Variants in ABCA1 observed in about 807,000 individuals in gnomAD.
ABCA1 encodes the protein ATP binding cassette subfamily A member 1.
ABCA1 carries 133 observed loss-of-function variants against 262.5 expected under a neutral mutation model. The ratio of observed to expected loss-of-function variants is 0.51; its 90% CI spans 0.44 to 0.59. ABCA1 has a LOEUF of 0.59. Ranked by LOEUF, ABCA1 falls within the 20% of genes least tolerant of loss-of-function variation. ABCA1 has a pLI of 0.00. For synonymous variants in ABCA1, 1,022 were observed against 1,043.5 expected (o/e 0.98, Z 0.40); for missense variants, 2,452 against 2,777.5 (o/e 0.88, Z 2.63).
intron 15 of ABCA1, among the ~76,000 whole-genome samples, chr9:104,828,628 C>G (rs927702188): frequency 6.6e-6 from 1 of 152,192 alleles, no homozygotes; most frequent in African/African-American, 2.4e-5. Context: ...CCATGAACCA[C>G]TACCAATGAG....
At chr9:104,813,226 C>T (rs1013673183) in intron 27 of ABCA1, among the ~76,000 whole-genome samples, 8 of 152,178 alleles carry the variant, frequency 5.3e-5, no homozygotes, top group Non-Finnish European at 2.9e-5. Flanking sequence ...GAGCCATACA[C>T]TCTTTGAGCA....
chr9:104,792,133 T>C (rs1829479772), intron 42 of ABCA1, 135 bp from the exon 43 acceptor site: 3 of 814,062 alleles, frequency 3.7e-6, no homozygotes, highest in Non-Finnish European at 4.1e-6. Context: ...ATAGGCATAT[T>C]TGATGTGCCA....
At chr9:104,876,410 C>G (rs1259267066) in intron 5 of ABCA1, among the ~76,000 whole-genome samples, 1 of 152,144 alleles carries the variant, frequency 6.6e-6, no homozygotes, top group Non-Finnish European at 1.5e-5. Context: ...CCAAGTAGGA[C>G]GTCCCAACCA....
At chr9:104,895,407 A>G (rs1377208480) in intron 2 of ABCA1, among the ~76,000 whole-genome samples, 1 of 152,142 alleles carries the variant, frequency 6.6e-6, no homozygotes, top group East Asian at 1.9e-4. Context: ...TACGAAGTTC[A>G]GCAGCATCCC....
chr9:104,820,954 G>A (rs1341178708), intron 20 of ABCA1, among the ~76,000 whole-genome samples: 1 of 152,186 alleles, frequency 6.6e-6, no homozygotes, highest in Non-Finnish European at 1.5e-5. Context: ...TTCAAAGAAA[G>A]TAAAATGTGG....
At chr9:104,812,769 C>T (rs761818807) in intron 27 of ABCA1, 47 bp from the exon 28 acceptor site, 35 of 1,612,174 alleles carry the variant, frequency 2.2e-5, no homozygotes, top group South Asian at 1.4e-4. Context: ...TAGGTGTTTT[C>T]GGCATTGCCA....
Position 104,883,169 on chromosome 9 carries a change from G to A in ABCA1, c.303-12C>T, listed in dbSNP as rs750148960. On this transcript the variant is annotated splice_polypyrimidine_tract_variant and intron_variant, in intron 4 of 49. Coordinates refer to ENST00000374736, the MANE Select transcript of ABCA1 (RefSeq NM_005502.4). ...ACAGGCGAGCCACACTGTAAAGGGT[G>A]CAAGAAAAGGCGAAAGGCTTTAGCT... 1 of 1,607,386 alleles carries A rather than the reference G, an allele frequency of 6.2e-7. No individual in the cohort carries two copies. Among genetic ancestry groups the A allele is most frequent in the South Asian group, 1.1e-5 (1 of 90,938 alleles).
intron 14 of ABCA1, among the ~76,000 whole-genome samples, chr9:104,830,113 C>G (rs1440021806): frequency 6.6e-6 from 1 of 152,218 alleles, no homozygotes; most frequent in Non-Finnish European, 1.5e-5. Flanking sequence ...CATCCAAAGG[C>G]ATAGTTCCCA....
Position 104,787,998 on chromosome 9 carries a change from A to C in ABCA1, c.6126T>G (p.Ala2042=). 6.2e-7 allele frequency: 1 copy of C among 1,614,224 alleles called. No homozygotes were observed. The highest frequency in any genetic ancestry group is 8.5e-7 in the Non-Finnish European group (1 of 1,180,038). The change falls in exon 46 of 50, where the codon GCT becomes GCG. Residue 2042 remains alanine (A), a synonymous_variant. Coordinates refer to ENST00000374736, the MANE Select transcript of ABCA1 (RefSeq NM_005502.4). ...GTTTGTTGCCTCCACTATAGTTACC[A>C]GCATATTTTTCTCCATACTTCACGA... The part of the protein sequence containing the change: ...LGLVKYGEKY[A]GNYSGGNKRK...
chr9:104,887,722 C>CTTTTTTTT (rs56828334), intron 3 of ABCA1, among the ~76,000 whole-genome samples: 2 of 98,850 alleles, frequency 2.0e-5, no homozygotes, highest in Non-Finnish European at 3.9e-5. Flanking sequence ...TCAGTTTATG[C>CTTTTTTTT]TTTTTTTTTT....
chr9:104,805,536 C>G (rs1406981079), intron 31 of ABCA1, among the ~76,000 whole-genome samples: 1 of 152,136 alleles, frequency 6.6e-6, no homozygotes, highest in Non-Finnish European at 1.5e-5. Context: ...AAAAATGGCT[C>G]AGGACTCCTT....
At chr9:104,804,937 T>G (rs1274732017) in intron 31 of ABCA1, among the ~76,000 whole-genome samples, 1 of 152,216 alleles carries the variant, frequency 6.6e-6, no homozygotes, top group Non-Finnish European at 1.5e-5. Context: ...CCCAAGAATT[T>G]ATTCTGAACA....
rs960163617 is a variant in ABCA1, at chr9:104,817,671, G to A, written c.3463-267C>T. On this transcript the variant is annotated intron_variant, in intron 23 of 49. Coordinates refer to ENST00000374736, the MANE Select transcript of ABCA1 (RefSeq NM_005502.4). This position sits in a 1 kb window ranked among gnomAD's most constrained non-coding sequence, Gnocchi z 4.7. The stretch of plus-strand genomic sequence containing the variant: ...GTGGCCTGCCAATGAATGCTGCAAT[G>A]AGGCCTTTGCCAACCATCTCAGGCA... Among the ~76,000 whole-genome samples, 24 of 152,226 alleles carry A rather than the reference G, an allele frequency of 1.6e-4. No individual in the cohort carries two copies. Among genetic ancestry groups the A allele is most frequent in the African/African-American group, 7.2e-5 (3 of 41,464 alleles).
At position 104,785,630 on chromosome 9, in the gene ABCA1, A is replaced by T; in HGVS notation, c.6411T>A (p.Asp2137Glu). 1 of 1,614,044 alleles carries T rather than the reference A, an allele frequency of 6.2e-7. No individual in the cohort carries two copies. Among genetic ancestry groups the T allele is most frequent in the Non-Finnish European group, 8.5e-7 (1 of 1,179,974 alleles). ...SVQHLKNRFG[D>E]GYTIVVRIAG... is the part of the protein sequence containing the mutation. ...CTATTCGTACAACTATTGTATAACC[A>T]TCTCCAAACCTGAAAGCAGGAAAAA... The change falls in exon 49 of 50, where the codon GAT (aspartate) becomes GAA (glutamate). Residue 2137 changes from aspartate (D) to glutamate (E), a missense_variant. Asp to Glu is a conservative substitution (Grantham distance 45). Around this residue, in one of 4 missense-constraint regions of ABCA1, gnomAD observed 752 missense variants for 944.5 expected, o/e 0.80. Coordinates refer to ENST00000374736, the MANE Select transcript of ABCA1 (RefSeq NM_005502.4).
At chr9:104,922,208 C>A (rs893894281) in intron 1 of ABCA1, among the ~76,000 whole-genome samples, 1 of 152,174 alleles carries the variant, frequency 6.6e-6, no homozygotes, top group Non-Finnish European at 1.5e-5. Flanking sequence ...GAAGGCCCCA[C>A]CGGAAATCAA....
intron 5 of ABCA1, among the ~76,000 whole-genome samples, chr9:104,871,297 A>G (rs1055040888): frequency 2.0e-5 from 3 of 152,202 alleles, no homozygotes; most frequent in Non-Finnish European, 2.9e-5. Context: ...GTAAATTTCT[A>G]TTGTGTATAA....
At chr9:104,813,173 A>G (rs1023318887) in intron 27 of ABCA1, among the ~76,000 whole-genome samples, 2 of 152,206 alleles carry the variant, frequency 1.3e-5, no homozygotes, top group African/African-American at 4.8e-5. Flanking sequence ...AAATGATCTA[A>G]GTACTGATAC....
intron 32 of ABCA1, among the ~76,000 whole-genome samples, 186 bp downstream of exon 32, chr9:104,804,439 CT>C (rs1830596302): frequency 6.6e-6 from 1 of 152,220 alleles, no homozygotes; most frequent in African/African-American, 2.4e-5. Flanking sequence ...AGCCTTGAAG[CT>C]GACAACTGAA....
At chr9:104,922,989 A>C (rs944817043) in intron 1 of ABCA1, among the ~76,000 whole-genome samples, 6 of 152,180 alleles carry the variant, frequency 3.9e-5, no homozygotes, top group East Asian at 3.8e-4. Context: ...AGTGCTGGGA[A>C]TACAACAATG....
Sources: gnomAD v4.1 joint callset for allele counts (sites outside exome capture counted in the v4.1 genomes callset) on GRCh38, gnomAD v4.1.1 for gene constraint, gnomAD v4.1.1 regional missense constraint, Gnocchi (gnomAD v3.1) non-coding constraint, MANE v1.5 for transcripts, NCBI Gene and HGNC (gene_info 2026-07-23, HGNC 2026-07-21) for gene names.